Variants in OTOA observed in about 807,000 individuals in gnomAD.
OTOA encodes the protein otoancorin.
OTOA carries 70 observed loss-of-function variants against 110.8 expected under a neutral mutation model. That is an observed-to-expected ratio of 0.63 (90% CI 0.52 to 0.77). The LOEUF (loss-of-function observed/expected upper bound fraction) is 0.77. OTOA is among the 30% of genes least tolerant of loss of function. The pLI, the probability that OTOA is intolerant of heterozygous loss-of-function variation, is 0.00. For missense variants in OTOA, 917 were observed against 1,075.8 expected (o/e 0.85, Z 2.06); for synonymous variants, 373 against 431.5 (o/e 0.86, Z 1.68).
rs2141648558 is a variant in OTOA at position 21,673,948 on chromosome 16, C to T, written c.-4-4563C>T. ...AAGTAGCTGGGACTACAGGCGCCCACCACCACGCCTAGCTAATTTTTTGTA... is the reference window on the plus strand; with the variant it reads ...AAGTAGCTGGGACTACAGGCGCCCATCACCACGCCTAGCTAATTTTTTGTA... On this transcript the variant is annotated intron_variant, in intron 1 of 28. Transcript: ENST00000646100. 1.3e-5 allele frequency among the ~76,000 whole-genome samples: 2 copies of T among 152,172 alleles called. 1 individual carries two copies. The highest frequency in any genetic ancestry group is 2.9e-5 in the Non-Finnish European group (2 of 68,012).
chr16:21,726,561 T>C lies in OTOA; in HGVS notation c.1919T>C (p.Val640Ala). ...GCTTCTGTCCCAGCCTCCCAGTGTG[T>C]GCCCTTTCTGATCAGCCTGGGGAAG... ...YLASVPASQC[V>A]PFLISLGKSW... is the part of the protein sequence containing the mutation. The change falls in exon 19 of 29, where the codon GTG becomes GCG. Residue 640 changes from valine to alanine, a missense_variant. Physicochemically the swap from Val to Ala is moderately conservative, Grantham distance 64. Coordinates refer to ENST00000646100, the MANE Select transcript of OTOA (RefSeq NM_144672.4). 6.2e-7 allele frequency: 1 copy of C among 1,614,076 alleles called. No homozygotes were observed. The highest frequency in any genetic ancestry group is 1.3e-5 in the African/African-American group (1 of 75,022).
chr16:21,728,432 G>T lies in OTOA; in HGVS notation c.2207+1G>T. 6.2e-7 allele frequency: 1 copy of T among 1,613,664 alleles called. No individual in the cohort carries two copies. The highest frequency in any genetic ancestry group is 1.1e-5 in the South Asian group (1 of 91,062). ...GGCTCAAGCTCCTGGGACAGTATGG[G>T]TGAGGAGCGGCTGGGTTTGGCTTTT... On this transcript the variant is annotated splice_donor_variant, in intron 20 of 28. Transcript: ENST00000646100. LOFTEE classifies it high-confidence loss of function.
intron 9 of OTOA, 55 bp downstream of exon 9, chr16:21,691,742 G>T (rs1401409776): frequency 1.4e-6 from 2 of 1,447,954 alleles, no homozygotes; most frequent in East Asian, 4.6e-5. Context: ...ATCTTCAGAA[G>T]AGGTGTTTCA....
In OTOA at chr16:21,664,179, C is replaced by G. The variant is rs1422929436; in HGVS notation, c.-58C>G. 2.0e-5 allele frequency: 3 copies of G among 152,172 alleles called. No individual in the cohort carries two copies. Among genetic ancestry groups the G allele is most frequent in the Non-Finnish European group, 4.4e-5 (3 of 68,052 alleles). The allele number at this position is 152,172 out of a possible 1,614,324, so 9.4% of individuals were successfully genotyped here. On this transcript the variant is annotated 5_prime_UTR_variant, in exon 1 of 29. Transcript: ENST00000646100. The stretch of plus-strand genomic sequence containing the variant: ...CCCCGCATGAGCCCCGCGGCCCCGC[C>G]CTGCGCCACCCGCCCGCCCGTGGGA...
chr16:21,748,045 T>TC (rs1474918608), intron 24 of OTOA: 5 of 87,414 alleles, frequency 5.7e-5, no homozygotes, highest in African/African-American at 3.6e-5. Context: ...TTCTTCTTCT[T>TC]TTTTTTTTTT....
chr16:21,666,335 C>T (rs540611491), intron 1 of OTOA, among the ~76,000 whole-genome samples: 1 of 149,220 alleles, frequency 6.7e-6, no homozygotes, highest in Admixed American at 6.8e-5. Context: ...AATGGAGCAG[C>T]CTTGCAGACA....
In OTOA at chr16:21,706,933, G is replaced by A. The variant is rs779684267; in HGVS notation, c.1104+1641G>A. On this transcript the variant is annotated intron_variant, in intron 12 of 28. Transcript: ENST00000646100. ...CAGCTCACTGCAACCTCCACCTTCC[G>A]GGTTCAAGTGGCACAATTTCAGCTC... is the stretch of plus-strand genomic sequence containing the variant. Among the ~76,000 whole-genome samples the A allele has an allele frequency of 6.1e-5, 9 of 147,668 alleles. No homozygotes were observed. In the South Asian group the frequency reaches 1.9e-3, roughly 32 times the overall value.
chr16:21,717,418 G>A (rs1295917449), intron 15 of OTOA, among the ~76,000 whole-genome samples: 1 of 152,100 alleles, frequency 6.6e-6, no homozygotes, highest in Non-Finnish European at 1.5e-5. Flanking sequence ...TCCAGTCTGG[G>A]CGACAGAGCG....
intron 2 of OTOA, 44 bp downstream of exon 2, chr16:21,678,649 T>C: frequency 6.5e-7 from 1 of 1,546,750 alleles, no homozygotes. Flanking sequence ...TTCCACACAG[T>C]TTAGGGAATG....
chr16:21,691,465 A>G lies in OTOA; in HGVS notation c.636-119A>G, dbSNP rs1389467042. On this transcript the variant is annotated intron_variant, in intron 8 of 28. Transcript: ENST00000646100. ...AAAGCGTTTCTATTTCTCCACATCCAGGAGAGGGAAGGGTTTTAACACAAG... is the reference window on the plus strand; with the variant it reads ...AAAGCGTTTCTATTTCTCCACATCCGGGAGAGGGAAGGGTTTTAACACAAG... 41 of 784,024 alleles carry G rather than the reference A, an allele frequency of 5.2e-5. No homozygotes were observed. In the East Asian group the frequency reaches 5.6e-4, roughly 11 times the overall value. The allele number at this position is 784,024 out of a possible 1,614,324, so 48.6% of individuals were successfully genotyped here.
chr16:21,723,705 C>A (rs1898831696), intron 18 of OTOA, among the ~76,000 whole-genome samples: 3 of 152,112 alleles, frequency 2.0e-5, no homozygotes, highest in African/African-American at 7.2e-5. Flanking sequence ...GGACTTCAGG[C>A]ATGGCTCGAT....
chr16:21,664,637 G>A (rs1451374344), intron 1 of OTOA, among the ~76,000 whole-genome samples: 1 of 152,058 alleles, frequency 6.6e-6, no homozygotes, highest in East Asian at 1.9e-4. Flanking sequence ...TGTATTTTAT[G>A]TATAAAGTAA....
chr16:21,706,932 C>T (rs543013689), intron 12 of OTOA, among the ~76,000 whole-genome samples: 259 of 151,222 alleles, frequency 1.7e-3, no homozygotes, highest in Non-Finnish European at 3.2e-3. Flanking sequence ...CTCCACCTTC[C>T]GGGTTCAAGT....
chr16:21,736,433 T>C, intron 22 of OTOA, 43 bp downstream of exon 22: 1 of 1,613,572 alleles, frequency 6.2e-7, no homozygotes, highest in Non-Finnish European at 8.5e-7. Context: ...GACATAGTAA[T>C]TAATGTTTTG....
chr16:21,689,112 A>G (rs771040019), intron 8 of OTOA, among the ~76,000 whole-genome samples: 9 of 152,104 alleles, frequency 5.9e-5, no homozygotes, highest in Non-Finnish European at 1.3e-4. Flanking sequence ...TTGAAGGGCC[A>G]TAGGCATTGC....
In OTOA at chr16:21,709,875, G is replaced by C; in HGVS notation, c.1105-13G>C. On this transcript the variant is annotated splice_polypyrimidine_tract_variant and intron_variant, in intron 12 of 28. Transcript: ENST00000646100. ...TTCCTGTCAACACTCATTCCAGTTT[G>C]CTCTCCTTCCAGCTCAAAGCAGAAC... The C allele has an allele frequency of 6.2e-7, 1 of 1,601,442 alleles. No homozygotes were observed. The highest frequency in any genetic ancestry group is 1.3e-5 in the African/African-American group (1 of 74,698).
chr16:21,690,191 T>C (rs955977880), intron 8 of OTOA, among the ~76,000 whole-genome samples: 1 of 152,016 alleles, frequency 6.6e-6, no homozygotes, highest in African/African-American at 2.4e-5. Context: ...TTGGGGGTAT[T>C]TTTTGTTTTT....
At chr16:21,669,350 A>C (rs1318517976) in intron 1 of OTOA, among the ~76,000 whole-genome samples, 4 of 151,830 alleles carry the variant, frequency 2.6e-5, no homozygotes, top group South Asian at 2.1e-4. Context: ...CCCCCACCCC[A>C]AAAAAACCCC....
chr16:21,749,937 G>GCA lies in OTOA; in HGVS notation c.2776-1998_2776-1997insCA, dbSNP rs1277977995. 4.9e-5 allele frequency among the ~76,000 whole-genome samples: 7 copies of GCA among 142,894 alleles called. No homozygotes were observed. In the South Asian group the frequency reaches 7.2e-4, roughly 15 times the overall value. The allele number at this position is 142,894 out of a possible 152,430, so 93.7% of individuals were successfully genotyped here. Reference sequence around the variant, plus strand: ...TGACTTTAAGTGATCCTCCTGCTTCGGCCTCCCAAAGTGCTGGGATTACAG... The same window carrying GCA: ...TGACTTTAAGTGATCCTCCTGCTTCGCAGCCTCCCAAAGTGCTGGGATTACAG... On this transcript the variant is annotated intron_variant, in intron 24 of 28. Coordinates refer to ENST00000646100, the MANE Select transcript of OTOA (RefSeq NM_144672.4).
Sources: allele counts gnomAD v4.1 joint callset (sites outside exome capture counted in the v4.1 genomes callset), GRCh38; gene constraint gnomAD v4.1.1; transcripts MANE v1.5; gene names NCBI Gene and HGNC (gene_info 2026-07-23, HGNC 2026-07-21).